ZNF280B: variants seen among roughly 807,000 people sequenced by gnomAD.
ZNF280B encodes the protein zinc finger protein 280B, also known as suppressor of hairy wing homolog 2.
In ZNF280B, 16 loss-of-function variants were observed where a neutral mutation model predicts 38.0. The observed-to-expected ratio is 0.42, with a 90% CI of 0.28 to 0.64. The LOEUF (loss-of-function observed/expected upper bound fraction) is 0.64, where lower values mean the gene tolerates loss of function less well. ZNF280B is among the 30% of genes least tolerant of loss of function. The pLI is 0.21. For synonymous variants in ZNF280B, 253 were observed against 230.6 expected (o/e 1.10, Z -0.88); for missense variants, 581 against 639.6 (o/e 0.91, Z 0.99).
chr22:22,485,415 TAAAG>T lies in ZNF280B; in HGVS notation c.*2348_*2351del, dbSNP rs1418020715. The T allele has an allele frequency of 1.3e-5, 2 of 151,968 alleles. No individual in the cohort carries two copies. The highest frequency in any genetic ancestry group is 2.4e-5 in the African/African-American group (1 of 41,454). 9.4% of individuals were successfully genotyped at this position (151,968 alleles called of 1,614,324 possible). On this transcript the variant is annotated 3_prime_UTR_variant, in exon 4 of 4. Coordinates refer to ENST00000626650, the MANE Select transcript of ZNF280B (RefSeq NM_080764.4). Reference sequence around the variant, plus strand: ...TGCACACACATACCCTTTCTTCAACTAAAGAAAGGATTCAGGCTGTAATTTTAGC... The same window carrying T: ...TGCACACACATACCCTTTCTTCAACTAAAGGATTCAGGCTGTAATTTTAGC...
intron 2 of ZNF280B, among the ~76,000 whole-genome samples, chr22:22,504,682 C>T (rs2061898516): frequency 6.6e-6 from 1 of 151,900 alleles, no homozygotes; most frequent in African/African-American, 2.4e-5. Context: ...TTTAGTGGAA[C>T]TATAGCTATA....
chr22:22,508,680 C>T lies in ZNF280B; in HGVS notation c.-269G>A, dbSNP rs951810957. 3 of 151,918 alleles carry T rather than the reference C, an allele frequency of 2.0e-5. No homozygotes were observed. Among genetic ancestry groups the T allele is most frequent in the African/African-American group, 4.8e-5 (2 of 41,398 alleles). The allele number at this position is 151,918 out of a possible 1,614,324, so 9.4% of individuals were successfully genotyped here. A position where few individuals can be genotyped will look rare whatever the true frequency, so the allele number is the denominator to read the frequency against. ...TTACCAGTCCGGATCAGCTGCTGTT[C>T]GCGAGCTGCCGGCCACGCACCAGCC... On this transcript the variant is annotated 5_prime_UTR_variant, in exon 1 of 4. Coordinates refer to ENST00000626650, the MANE Select transcript of ZNF280B (RefSeq NM_080764.4).
At chr22:22,497,968 T>C (rs554467988) in intron 2 of ZNF280B, among the ~76,000 whole-genome samples, 182 of 152,034 alleles carry the variant, frequency 1.2e-3, no homozygotes, top group African/African-American at 4.3e-3. Flanking sequence ...TGTCCATCAA[T>C]GGATGAATGG....
rs753799612 is a variant in ZNF280B, at chr22:22,488,597, T to C, written c.802A>G (p.Thr268Ala). Reference protein sequence around the residue: ...ELAKTDILSLTSQNKTFDPKK... With the variant: ...ELAKTDILSLASQNKTFDPKK... ...GGATCAAAGGTCTTGTTTTGACTTG[T>C]TAGACTCAAAATGTCTGTTTTTGCC... Residue 268 changes from threonine (T) to alanine (A), a missense_variant, in exon 4 of 4, where the codon ACA becomes GCA. Transcript: ENST00000626650. 2 of 1,613,908 alleles carry C rather than the reference T, an allele frequency of 1.2e-6. No individual in the cohort carries two copies. The highest frequency in any genetic ancestry group is 1.7e-6 in the Non-Finnish European group (2 of 1,179,970).
intron 2 of ZNF280B, among the ~76,000 whole-genome samples, chr22:22,507,609 T>C (rs1221264581): frequency 1.3e-5 from 2 of 151,748 alleles, no homozygotes; most frequent in Non-Finnish European, 2.9e-5. Context: ...CCCTCTCCTT[T>C]CTCAACAAAG....
At chr22:22,504,426 G>GAA (rs1314633209) in intron 2 of ZNF280B, among the ~76,000 whole-genome samples, 13,647 of 120,094 alleles carry the variant, frequency 0.11, 747 homozygotes, top group South Asian at 0.25. Context: ...GACTCCGTCT[G>GAA]AAAAAAAAAA....
chr22:22,489,053 T>C lies in ZNF280B; in HGVS notation c.346A>G (p.Ile116Val), dbSNP rs2061542977. The change falls in exon 4 of 4, where the codon ATT (isoleucine) becomes GTT (valine). Residue 116 changes from isoleucine to valine, a missense_variant. Physicochemically the swap from Ile to Val is conservative, Grantham distance 29. Coordinates refer to ENST00000626650, the MANE Select transcript of ZNF280B (RefSeq NM_080764.4). ...GGTTTAGACAAAGGCTCAATAATAA[T>C]AGGACTATCTGTTGATCTCGATTCA... ...QLESRSTDSP[I>V]IIEPLSKPDY... 6.2e-6 allele frequency: 10 copies of C among 1,613,758 alleles called. No homozygotes were observed. The highest frequency in any genetic ancestry group is 1.3e-5 in the African/African-American group (1 of 74,862).
At chr22:22,503,778 C>T (rs1189830277) in intron 2 of ZNF280B, among the ~76,000 whole-genome samples, 1 of 151,894 alleles carries the variant, frequency 6.6e-6, no homozygotes, top group Non-Finnish European at 1.5e-5. Context: ...TTAATAAGTC[C>T]TTCAGTTTAG....
intron 2 of ZNF280B, among the ~76,000 whole-genome samples, chr22:22,503,368 G>A (rs1348110792): frequency 1.3e-5 from 2 of 151,930 alleles, no homozygotes; most frequent in East Asian, 3.9e-4. Context: ...ACCGCAAAGG[G>A]TGAATTTTAT....
At position 22,488,824 on chromosome 22, in the gene ZNF280B, T is replaced by G. The variant is rs1460599884; in HGVS notation, c.575A>C (p.Asp192Ala). ...TGAAGAATTTCCTTCTATAATTCCATCCCTGAGTTTAGCCCTTTTGGGATT... is the reference window on the plus strand; with the variant it reads ...TGAAGAATTTCCTTCTATAATTCCAGCCCTGAGTTTAGCCCTTTTGGGATT... ...SINPKRAKLR[D>A]GIIEGNSSAS... The change falls in exon 4 of 4, where the codon GAT becomes GCT. Residue 192 changes from aspartate to alanine, a missense_variant. Transcript: ENST00000626650. 6.2e-7 allele frequency: 1 copy of G among 1,613,746 alleles called. No individual in the cohort carries two copies. The highest frequency in any genetic ancestry group is 8.5e-7 in the Non-Finnish European group (1 of 1,179,964).
intron 2 of ZNF280B, among the ~76,000 whole-genome samples, chr22:22,505,603 T>C (rs2061921738): frequency 6.9e-6 from 1 of 145,118 alleles, no homozygotes; most frequent in Non-Finnish European, 1.5e-5. Flanking sequence ...ATAATAATAA[T>C]ACAAAAATTA....
intron 2 of ZNF280B, among the ~76,000 whole-genome samples, chr22:22,501,915 G>A (rs949266978): frequency 6.6e-6 from 1 of 151,434 alleles, no homozygotes; most frequent in Non-Finnish European, 1.5e-5. Flanking sequence ...TACAACCTTG[G>A]TGCCAGAGCA....
intron 2 of ZNF280B, among the ~76,000 whole-genome samples, chr22:22,502,660 A>C (rs1357662865): frequency 6.6e-6 from 1 of 152,036 alleles, no homozygotes. Flanking sequence ...AGTGAATAAC[A>C]CCAGACACAA....
At position 22,484,856 on chromosome 22, in the gene ZNF280B, G is replaced by GT. The variant is rs745604278; in HGVS notation, c.*2910dup. 1,219 of 141,998 alleles carry GT rather than the reference G, an allele frequency of 8.6e-3. 9 individuals are homozygous for GT. Among genetic ancestry groups the GT allele is most frequent in the South Asian group, 0.047 (209 of 4,422 alleles). The allele number at this position is 141,998 out of a possible 1,614,324, so 8.8% of individuals were successfully genotyped here. ...AGTGCCTTTAAGAGGAAAAGTAGAA[G>GT]TTTTTTTTTTTTTTTAAAGGGAGAT... On this transcript the variant is annotated 3_prime_UTR_variant, in exon 4 of 4. Transcript: ENST00000626650.
In ZNF280B at chr22:22,488,009, TG is replaced by T; in HGVS notation, c.1389del (p.Lys464SerfsTer7). The T allele has an allele frequency of 1.2e-6, 2 of 1,613,654 alleles. No individual in the cohort carries two copies. Among genetic ancestry groups the T allele is most frequent in the Non-Finnish European group, 1.7e-6 (2 of 1,179,920 alleles). On this transcript the variant is annotated frameshift_variant, in exon 4 of 4. Coordinates refer to ENST00000626650, the MANE Select transcript of ZNF280B (RefSeq NM_080764.4). LOFTEE classifies it high-confidence loss of function. ...AAAGTTAAAAACTGTAGCCGGCACT[TG>T]GAACACTGGTGTGCACTCTTTCCCC... ...GHWGKSAHQC[S>X]KCRLQFLTFK...
intron 2 of ZNF280B, among the ~76,000 whole-genome samples, chr22:22,499,748 A>C (rs1333263918): frequency 6.6e-6 from 1 of 151,990 alleles, no homozygotes; most frequent in Non-Finnish European, 1.5e-5. Flanking sequence ...TAATGGTGAC[A>C]CTGAAAGTAC....
chr22:22,507,424 T>C (rs2061960849), intron 2 of ZNF280B, among the ~76,000 whole-genome samples: 1 of 151,992 alleles, frequency 6.6e-6, no homozygotes. Context: ...TAATCTCACC[T>C]ACTGGCATGC....
chr22:22,488,016 C>G lies in ZNF280B; in HGVS notation c.1383G>C (p.Gln461His), dbSNP rs1187007824. Reference sequence around the variant, plus strand: ...AAAACTGTAGCCGGCACTTGGAACACTGGTGTGCACTCTTTCCCCAGTGGC... The same window carrying G: ...AAAACTGTAGCCGGCACTTGGAACAGTGGTGTGCACTCTTTCCCCAGTGGC... ...YRGHWGKSAH[Q>H]CSKCRLQFLT... The change falls in exon 4 of 4, where the codon CAG becomes CAC. Residue 461 changes from glutamine (Q) to histidine (H), a missense_variant. Physicochemically the swap from Gln to His is conservative, Grantham distance 24. Transcript: ENST00000626650. 2 of 1,613,596 alleles carry G rather than the reference C, an allele frequency of 1.2e-6. No individual in the cohort carries two copies. Among genetic ancestry groups the G allele is most frequent in the African/African-American group, 2.7e-5 (2 of 74,806 alleles).
intron 2 of ZNF280B, among the ~76,000 whole-genome samples, chr22:22,497,326 T>C (rs1409453959): frequency 1.4e-5 from 2 of 145,272 alleles, no homozygotes; most frequent in Non-Finnish European, 3.0e-5. Context: ...AGGTCAGGAG[T>C]TCGAGACCAG....
Sources: gnomAD v4.1 joint callset for allele counts (sites outside exome capture counted in the v4.1 genomes callset) on GRCh38, gnomAD v4.1.1 for gene constraint, MANE v1.5 for transcripts, NCBI Gene and HGNC (gene_info 2026-07-23, HGNC 2026-07-21) for gene names.